Variants in GZMK observed in about 807,000 individuals in gnomAD.
The protein encoded by GZMK is granzyme K.
GZMK carries 18 observed loss-of-function variants against 22.8 expected under a neutral mutation model. The observed-to-expected ratio is 0.79, with a 90% CI of 0.54 to 1.17. The LOEUF (loss-of-function observed/expected upper bound fraction) is 1.17. Among genes scored for constraint, GZMK ranks in the 50% most tolerant of loss-of-function variants. GZMK has a pLI of 0.00. For synonymous variants in GZMK, 136 were observed against 115.0 expected, an observed-to-expected ratio of 1.18 and a Z score of -1.17; for missense variants, 342 against 320.2, an observed-to-expected ratio of 1.07 and a Z score of -0.52.
chr5:55,028,483 C>T (rs1741171037), intron 2 of GZMK: 1 of 152,190 alleles, frequency 6.6e-6, no homozygotes, highest in Non-Finnish European at 1.5e-5. Flanking sequence ...TTGGTAGAAA[C>T]CAAAAAGTGG....
intron 2 of GZMK, among the ~76,000 whole-genome samples, chr5:55,026,223 T>C (rs1406622753): frequency 1.3e-5 from 2 of 152,216 alleles, no homozygotes; most frequent in Non-Finnish European, 2.9e-5. Context: ...TTTCTTTCTT[T>C]GGCTAGGCCT....
intron 2 of GZMK, chr5:55,027,074 G>A (rs951606307): frequency 6.6e-6 from 1 of 152,116 alleles, no homozygotes. Context: ...TTGCCTCCTG[G>A]AGGCAAAGGT....
rs781450225 is a variant in GZMK, at chr5:55,024,800, C to A, written c.205C>A (p.Gln69Lys). 1.9e-6 allele frequency: 3 copies of A among 1,592,738 alleles called. No individual in the cohort carries two copies. The highest frequency in any genetic ancestry group is 1.3e-5 in the African/African-American group (1 of 74,352). ...GTGGGTGCTGACAGCAGCCCACTGC[C>A]AATATCGGTGAGTCCTCCACACTTT... ...PQWVLTAAHC[Q>K]YRFTKGQSPT... The change falls in exon 2 of 5, where the codon CAA becomes AAA. Residue 69 changes from glutamine (Q) to lysine (K), a missense_variant. Transcript: ENST00000231009.
chr5:55,033,852 G>C lies in GZMK; in HGVS notation c.721G>C (p.Gly241Arg). The C allele has an allele frequency of 6.2e-7, 1 of 1,613,542 alleles. No homozygotes were observed. The highest frequency in any genetic ancestry group is 8.5e-7 in the Non-Finnish European group (1 of 1,179,572). Residue 241 changes from glycine to arginine, a missense_variant, in exon 5 of 5, where the codon GGA (glycine) becomes CGA (arginine). Gly to Arg is a moderately radical substitution (Grantham distance 125). Transcript: ENST00000231009. ...GHECGVATKPGIYTLLTKKYQ... is the reference protein window; with the variant it reads ...GHECGVATKPRIYTLLTKKYQ... ...TGAATGTGGTGTTGCCACAAAGCCT[G>C]GAATCTACACCCTGTTAACCAAGAA...
At chr5:55,031,271 C>A (rs1045789678) in intron 3 of GZMK, 93 bp from the exon 4 acceptor site, 1 of 1,066,980 alleles carries the variant, frequency 9.4e-7, no homozygotes, top group South Asian at 1.5e-5. Flanking sequence ...CAGGGACGCC[C>A]GCCTAAGACA....
Position 55,034,482 on chromosome 5 carries a change from C to G in GZMK, c.*556C>G, listed in dbSNP as rs1371401107. 2 of 152,204 alleles carry G rather than the reference C, an allele frequency of 1.3e-5. No homozygotes were observed. Among genetic ancestry groups the G allele is most frequent in the African/African-American group, 2.4e-5 (1 of 41,442 alleles). 9.4% of individuals were successfully genotyped at this position (152,204 alleles called of 1,614,324 possible). A position where few individuals can be genotyped will look rare whatever the true frequency, so the allele number is the denominator to read the frequency against. Reference sequence around the variant, plus strand: ...CACCACCCCCATCCTCTGGCAACCCCATTCTACTCTAAGCTTCTATGAGTT... The same window carrying G: ...CACCACCCCCATCCTCTGGCAACCCGATTCTACTCTAAGCTTCTATGAGTT... On this transcript the variant is annotated 3_prime_UTR_variant, in exon 5 of 5. Transcript: ENST00000231009.
Position 55,025,440 on chromosome 5 carries a change from T to C in GZMK, c.212+633T>C, listed in dbSNP as rs571924180. On this transcript the variant is annotated intron_variant, in intron 2 of 4. Coordinates refer to ENST00000231009, the MANE Select transcript of GZMK (RefSeq NM_002104.3). ...GAGAAAGATAATGAGAGAGTTATTT[T>C]CTAGGATACTTAGAATGAAAGCTTT... Among the ~76,000 whole-genome samples, 10 of 152,316 alleles carry C rather than the reference T, an allele frequency of 6.6e-5. No individual in the cohort carries two copies. In the South Asian group the frequency reaches 1.9e-3, roughly 28 times the overall value.
chr5:55,030,475 A>ACT lies in GZMK; in HGVS notation c.262_263dup (p.Lys89GlnfsTer50). 1 of 1,613,710 alleles carries ACT rather than the reference A, an allele frequency of 6.2e-7. No homozygotes were observed. Among genetic ancestry groups the ACT allele is most frequent in the Non-Finnish European group, 8.5e-7 (1 of 1,179,720 alleles). On this transcript the variant is annotated frameshift_variant, in exon 3 of 5. Transcript: ENST00000231009. LOFTEE classifies it high-confidence loss of function. ...TCTCCCACTGTGGTTTTAGGCGCAC[A>ACT]CTCTCTCTCAAAGAATGAGGCCTCC...
intron 2 of GZMK, chr5:55,028,332 A>G (rs1741169253): frequency 6.6e-6 from 1 of 152,202 alleles, no homozygotes; most frequent in Admixed American, 6.5e-5. Context: ...TTTAGTGGGT[A>G]TGTTGAATTT....
At position 55,031,640 on chromosome 5, in the gene GZMK, A is replaced by G. The variant is rs765024687; in HGVS notation, c.633+7A>G. On this transcript the variant is annotated splice_region_variant and intron_variant, in intron 4 of 4. Transcript: ENST00000231009. ...CCAGAAGGATTCCTGTAAGGTAAGA[A>G]TCTCTCTTTCAAACAGGCATCTTGG... 1.2e-6 allele frequency: 2 copies of G among 1,609,438 alleles called. No individual in the cohort carries two copies. Among genetic ancestry groups the G allele is most frequent in the Admixed American group, 3.3e-5 (2 of 59,858 alleles).
rs758514928 is a variant in GZMK, at chr5:55,033,842, C to A, written c.711C>A (p.Ala237=). The change falls in exon 5 of 5, where the codon GCC becomes GCA. Residue 237 remains alanine (A), a synonymous_variant. Transcript: ENST00000231009. The part of the protein sequence containing the change: ...IVSGGHECGV[A]TKPGIYTLLT... The stretch of plus-strand genomic sequence containing the variant: ...CTGGAGGTCATGAATGTGGTGTTGC[C>A]ACAAAGCCTGGAATCTACACCCTGT... 5 of 1,613,022 alleles carry A rather than the reference C, an allele frequency of 3.1e-6. No homozygotes were observed. Among genetic ancestry groups the A allele is most frequent in the Non-Finnish European group, 4.2e-6 (5 of 1,179,470 alleles).
intron 2 of GZMK, among the ~76,000 whole-genome samples, chr5:55,026,331 T>A (rs1293960648): frequency 2.0e-5 from 3 of 152,210 alleles, no homozygotes; most frequent in Non-Finnish European, 2.9e-5. Context: ...TCAAGTGGAT[T>A]TAACTCACGA....
rs1741111173 is a variant in GZMK, at chr5:55,024,363, T to C, written c.41T>C (p.Val14Ala). 4.7e-6 allele frequency: 7 copies of C among 1,490,968 alleles called. No homozygotes were observed. Among genetic ancestry groups the C allele is most frequent in the Non-Finnish European group, 6.5e-6 (7 of 1,069,650 alleles). 92.4% of individuals were successfully genotyped at this position (1,490,968 alleles called of 1,614,324 possible). The change falls in exon 1 of 5, where the codon GTT (valine) becomes GCT (alanine). Residue 14 changes from valine (V) to alanine (A), a missense_variant. Physicochemically the swap from Val to Ala is moderately conservative, Grantham distance 64. Transcript: ENST00000231009. ...TCCTTTTCTCTGTTTTTCCTAATAG[T>C]TGGGGCTTATATGACTCATGTGTGT... Reference protein sequence around the residue: ...FSSFSLFFLIVGAYMTHVCFN... With the variant: ...FSSFSLFFLIAGAYMTHVCFN...
rs148865056 is a variant in GZMK at position 55,033,847 on chromosome 5, A to G, written c.716A>G (p.Lys239Arg). ...SGGHECGVATKPGIYTLLTKK... is the reference protein window; with the variant it reads ...SGGHECGVATRPGIYTLLTKK... ...GGTCATGAATGTGGTGTTGCCACAA[A>G]GCCTGGAATCTACACCCTGTTAACC... Residue 239 changes from lysine (K) to arginine (R), a missense_variant, in exon 5 of 5, where the codon AAG (lysine) becomes AGG (arginine). Lys to Arg is a conservative substitution (Grantham distance 26). Transcript: ENST00000231009. 3 of 1,612,694 alleles carry G rather than the reference A, an allele frequency of 1.9e-6. No homozygotes were observed. The highest frequency in any genetic ancestry group is 1.7e-6 in the Non-Finnish European group (2 of 1,179,208).
At position 55,029,071 on chromosome 5, in the gene GZMK, C is replaced by T. The variant is rs573274091; in HGVS notation, c.213-1363C>T. ...CCAACATGATGAAATTCCGTCTTTACTAAAAATACAAAAATTAGCCAGGTG... is the reference window on the plus strand; with the variant it reads ...CCAACATGATGAAATTCCGTCTTTATTAAAAATACAAAAATTAGCCAGGTG... On this transcript the variant is annotated intron_variant, in intron 2 of 4. Transcript: ENST00000231009. Among the ~76,000 whole-genome samples, 13 of 152,096 alleles carry T rather than the reference C, an allele frequency of 8.5e-5. No individual in the cohort carries two copies. In the East Asian group the frequency reaches 2.3e-3, roughly 27 times the overall value.
intron 2 of GZMK, among the ~76,000 whole-genome samples, chr5:55,026,132 A>G (rs1393691698): frequency 1.3e-5 from 2 of 152,264 alleles, no homozygotes; most frequent in Non-Finnish European, 2.9e-5. Context: ...TAACCTCCCC[A>G]GACACAGAGC....
At chr5:55,027,688 A>G (rs577422478) in intron 2 of GZMK, 1 of 152,368 alleles carries the variant, frequency 6.6e-6, no homozygotes, top group Non-Finnish European at 1.5e-5. Context: ...AATGGAGACA[A>G]TGTTTACAGA....
intron 2 of GZMK, among the ~76,000 whole-genome samples, chr5:55,027,949 A>G (rs1227669979): frequency 6.6e-6 from 1 of 152,220 alleles, no homozygotes; most frequent in Admixed American, 6.5e-5. Context: ...CCAGAACTCA[A>G]GTAATTCCAG....
chr5:55,031,076 A>G (rs957856287), intron 3 of GZMK, among the ~76,000 whole-genome samples: 1 of 152,204 alleles, frequency 6.6e-6, no homozygotes, highest in Non-Finnish European at 1.5e-5. Context: ...TGACCTATGG[A>G]TGTTATTCCA....
Sources: gnomAD v4.1 joint callset for allele counts (sites outside exome capture counted in the v4.1 genomes callset) on GRCh38, gnomAD v4.1.1 for gene constraint, MANE v1.5 for transcripts, NCBI Gene and HGNC (gene_info 2026-07-23, HGNC 2026-07-21) for gene names.